IRS2: variants seen among roughly 807,000 people sequenced by gnomAD.
IRS2 encodes insulin receptor substrate 2.
In IRS2, 28 loss-of-function variants were observed where a neutral mutation model predicts 70.9. The observed-to-expected ratio is 0.39, with a 90% CI of 0.29 to 0.54. IRS2 has a LOEUF of 0.54. IRS2 is among the 20% of genes least tolerant of loss of function. IRS2 has a pLI of 0.59. For synonymous variants in IRS2, 1,217 were observed against 981.9 expected, an observed-to-expected ratio of 1.24 and a Z score of -4.48; for missense variants, 2,081 against 2,024.1, an observed-to-expected ratio of 1.03 and a Z score of -0.54.
At position 109,759,847 on chromosome 13, in the gene IRS2, A is replaced by G. The variant is rs114497275; in HGVS notation, c.4013-3539T>C. On this transcript the variant is annotated intron_variant, in intron 1 of 1. Coordinates refer to ENST00000375856, the MANE Select transcript of IRS2 (RefSeq NM_003749.3). ...AAACCACCACGGCAACACGATACCT[A>G]CCACCCACCTGACAGCCACCCACTC... 2.1e-3 allele frequency among the ~76,000 whole-genome samples: 321 copies of G among 152,252 alleles called. 1 individual carries two copies. The highest frequency in any genetic ancestry group is 6.9e-3 in the African/African-American group (285 of 41,552).
Position 109,755,141 on chromosome 13 carries a change from GCTTTT to G in IRS2, c.*1158_*1162del. On this transcript the variant is annotated 3_prime_UTR_variant, in exon 2 of 2. Coordinates refer to ENST00000375856, the MANE Select transcript of IRS2 (RefSeq NM_003749.3). ...GACAAGTAACATGTACTGCGAGATT[GCTTTT>G]CTTCTTTTTCTTTTTCCATCAATAA... 4.3e-6 allele frequency: 1 copy of G among 231,116 alleles called. No individual in the cohort carries two copies. Among genetic ancestry groups the G allele is most frequent in the Non-Finnish European group, 8.5e-6 (1 of 117,396 alleles). The allele number at this position is 231,116 out of a possible 1,614,324, so 14.3% of individuals were successfully genotyped here. A position where few individuals can be genotyped will look rare whatever the true frequency, so the allele number is the denominator to read the frequency against.
chr13:109,774,206 A>G (rs1446150778), intron 1 of IRS2, among the ~76,000 whole-genome samples: 3 of 152,178 alleles, frequency 2.0e-5, no homozygotes, highest in African/African-American at 7.2e-5. Context: ...AGAGGTAATG[A>G]AAGACAGCCA....
In IRS2 at chr13:109,782,029, A is replaced by G; in HGVS notation, c.4012+13T>C. On this transcript the variant is annotated intron_variant, in intron 1 of 1. Coordinates refer to ENST00000375856, the MANE Select transcript of IRS2 (RefSeq NM_003749.3). ...TCCTTCCCGCCAGACGCCAAGGCAA[A>G]GGGCCTCCTCACCTTTCACGATGGT... The G allele has an allele frequency of 1.2e-6, 2 of 1,611,818 alleles. No individual in the cohort carries two copies. Among genetic ancestry groups the G allele is most frequent in the Non-Finnish European group, 1.7e-6 (2 of 1,179,638 alleles).
At chr13:109,762,225 C>T (rs1877242948) in intron 1 of IRS2, among the ~76,000 whole-genome samples, 1 of 152,240 alleles carries the variant, frequency 6.6e-6, no homozygotes, top group Admixed American at 6.5e-5. Context: ...GAATTGCCCA[C>T]TGCCCCTGCA....
rs1236013667 is a variant in IRS2 at position 109,783,068 on chromosome 13, C to T, written c.2986G>A (p.Gly996Ser). Residue 996 changes from glycine to serine, a missense_variant, in exon 1 of 2, where the codon GGC becomes AGC. By Grantham distance (56) the Gly-to-Ser change is moderately conservative. Transcript: ENST00000375856. ...CCGTCCAAGGAGCCCACGGGGTGGC[C>T]GCTCGGGGCGCCCGGCTTAGGAGAC... The part of the protein sequence containing the change: ...PKSPKPGAPS[G>S]HPVGSLDGLL... 6 of 1,378,488 alleles carry T rather than the reference C, an allele frequency of 4.4e-6. No individual in the cohort carries two copies. The highest frequency in any genetic ancestry group is 1.9e-4 in the Middle Eastern group (1 of 5,276). The allele number at this position is 1,378,488 out of a possible 1,614,324, so 85.4% of individuals were successfully genotyped here. A position where few individuals can be genotyped will look rare whatever the true frequency, so the allele number is the denominator to read the frequency against.
rs2138930974 is a variant in IRS2, at chr13:109,782,893, T to G, written c.3161A>C (p.Gln1054Pro). The change falls in exon 1 of 2, where the codon CAG becomes CCG. Residue 1054 changes from glutamine to proline, a missense_variant. Physicochemically the swap from Gln to Pro is moderately conservative, Grantham distance 76 (BLOSUM62 -1). Transcript: ENST00000375856. ...LPPASAVATA[Q>P]GPGAASSLSS... ...CAACGATGAGGCGGCGCCCGGGCCC[T>G]GGGCGGTGGCAACGGCCGAGGCGGG... 2 of 1,555,832 alleles carry G rather than the reference T, an allele frequency of 1.3e-6. No individual in the cohort carries two copies. Among genetic ancestry groups the G allele is most frequent in the Non-Finnish European group, 1.7e-6 (2 of 1,150,534 alleles).
intron 1 of IRS2, among the ~76,000 whole-genome samples, chr13:109,771,033 A>G (rs1217757917): frequency 1.3e-5 from 2 of 152,226 alleles, no homozygotes; most frequent in African/African-American, 4.8e-5. Flanking sequence ...AGGAACACTG[A>G]TAAGCTAAGC....
intron 1 of IRS2, among the ~76,000 whole-genome samples, chr13:109,772,037 C>T (rs1185435060): frequency 6.6e-6 from 1 of 152,236 alleles, no homozygotes; most frequent in Non-Finnish European, 1.5e-5. Context: ...TTTATCCATC[C>T]ATCTGGGTAT....
In IRS2 at chr13:109,784,877, C is replaced by A. The variant is rs905097394; in HGVS notation, c.1177G>T (p.Gly393Trp). The A allele has an allele frequency of 1.8e-6, 2 of 1,113,510 alleles. No individual in the cohort carries two copies. Among genetic ancestry groups the A allele is most frequent in the South Asian group, 4.0e-5 (1 of 25,176 alleles). 69.0% of individuals were successfully genotyped at this position (1,113,510 alleles called of 1,614,324 possible). A position where few individuals can be genotyped will look rare whatever the true frequency, so the allele number is the denominator to read the frequency against. Reference sequence around the variant, plus strand: ...CGGCTCAGGGGCGCGCGCACCGGCCCGGGGCTCAGGGGGCTCCCAGCCACC... The same window carrying A: ...CGGCTCAGGGGCGCGCGCACCGGCCAGGGGCTCAGGGGGCTCCCAGCCACC... Reference protein sequence around the residue: ...VSVAGSPLSPGPVRAPLSRSH... With the variant: ...VSVAGSPLSPWPVRAPLSRSH... Residue 393 changes from glycine (G) to tryptophan (W), a missense_variant, in exon 1 of 2, where the codon GGG (glycine) becomes TGG (tryptophan). Physicochemically the swap from Gly to Trp is radical, Grantham distance 184. This residue lies in a region of IRS2 where 1,615 missense variants were observed against 1,459.5 expected (regional missense o/e 1.11). Transcript: ENST00000375856. The surrounding 1 kb of genome is among the most constrained non-coding windows in gnomAD (Gnocchi z 5.2).
intron 1 of IRS2, among the ~76,000 whole-genome samples, chr13:109,764,249 G>A (rs1327326738): frequency 5.3e-5 from 8 of 152,074 alleles, no homozygotes; most frequent in Non-Finnish European, 5.9e-5. Flanking sequence ...CCATTCCCAC[G>A]ACTCTCAGGA....
intron 1 of IRS2, among the ~76,000 whole-genome samples, chr13:109,760,617 C>A (rs1421209057): frequency 4.6e-5 from 7 of 152,206 alleles, no homozygotes; most frequent in African/African-American, 1.7e-4. Flanking sequence ...ACGTGGGATA[C>A]AGTCCCCTGT....
Position 109,781,236 on chromosome 13 carries a change from G to A in IRS2, c.4012+806C>T, listed in dbSNP as rs532181149. ...CAGGGTCCTCACAGGGTGGTCCCCCGGCCAGCAGCATCGGCATTATGCGGA... is the reference window on the plus strand; with the variant it reads ...CAGGGTCCTCACAGGGTGGTCCCCCAGCCAGCAGCATCGGCATTATGCGGA... On this transcript the variant is annotated intron_variant, in intron 1 of 1. Transcript: ENST00000375856. 1.4e-3 allele frequency among the ~76,000 whole-genome samples: 208 copies of A among 152,210 alleles called. 1 individual carries two copies. The highest frequency in any genetic ancestry group is 3.4e-3 in the Middle Eastern group (1 of 292).
At chr13:109,781,961 T>C in intron 1 of IRS2, 81 bp downstream of exon 1, 1 of 1,497,876 alleles carries the variant, frequency 6.7e-7, no homozygotes, top group Non-Finnish European at 9.1e-7. Flanking sequence ...CCCCAAAAAG[T>C]GGGAGCAGTG....
chr13:109,763,617 G>T (rs531975259), intron 1 of IRS2, among the ~76,000 whole-genome samples: 43 of 152,282 alleles, frequency 2.8e-4, no homozygotes, highest in African/African-American at 1.0e-3. Context: ...TTATGCTTCT[G>T]CCCTAAGAGT....
intron 1 of IRS2, among the ~76,000 whole-genome samples, chr13:109,765,496 A>G (rs1296784677): frequency 4.8e-5 from 5 of 104,832 alleles, no homozygotes; most frequent in African/African-American, 1.5e-4. Context: ...CCTGACTCCA[A>G]CTCCCCACCA....
chr13:109,783,157 C>A lies in IRS2; in HGVS notation c.2897G>T (p.Ser966Ile). The change falls in exon 1 of 2, where the codon AGC becomes ATC. Residue 966 changes from serine (S) to isoleucine (I), a missense_variant. Around this residue, in one of 4 missense-constraint regions of IRS2, gnomAD observed 1,615 missense variants for 1,459.5 expected, o/e 1.11. Transcript: ENST00000375856. ...SSLGSGTPGT[S>I]SDSRQRSPLS... Reference sequence around the variant, plus strand: ...CGGAGACCGCTGCCGGCTGTCGCTGCTGGTGCCCGGGGTGCCTGAGCCCAG... The same window carrying A: ...CGGAGACCGCTGCCGGCTGTCGCTGATGGTGCCCGGGGTGCCTGAGCCCAG... 7.3e-7 allele frequency: 1 copy of A among 1,379,096 alleles called. No homozygotes were observed. Among genetic ancestry groups the A allele is most frequent in the South Asian group, 1.7e-5 (1 of 60,358 alleles). 85.4% of individuals were successfully genotyped at this position (1,379,096 alleles called of 1,614,324 possible). A position where few individuals can be genotyped will look rare whatever the true frequency, so the allele number is the denominator to read the frequency against.
At position 109,785,783 on chromosome 13, in the gene IRS2, G is replaced by T. The variant is rs776493252; in HGVS notation, c.271C>A (p.Arg91=). 1 of 1,587,178 alleles carries T rather than the reference G, an allele frequency of 6.3e-7. No individual in the cohort carries two copies. The highest frequency in any genetic ancestry group is 1.3e-5 in the African/African-American group (1 of 74,658). The change falls in exon 1 of 2, where the codon CGG becomes AGG. Residue 91 remains arginine (R), a synonymous_variant. Transcript: ENST00000375856. This position sits in a 1 kb window ranked among gnomAD's most constrained non-coding sequence, Gnocchi z 9.3. The stretch of plus-strand genomic sequence containing the variant: ...AGGCAGCAGTCGAGAGCGATCACCC[G>T]TTTCGGCGCGCCTGCCTTGCTCCGC... ...KWRSKAGAPK[R]VIALDCCLNI... is the part of the protein sequence containing the mutation.
rs757679921 is a variant in IRS2, at chr13:109,782,529, G to A, written c.3525C>T (p.Ala1175=). 1 of 1,556,982 alleles carries A rather than the reference G, an allele frequency of 6.4e-7. No individual in the cohort carries two copies. The highest frequency in any genetic ancestry group is 8.7e-7 in the Non-Finnish European group (1 of 1,150,746). The stretch of plus-strand genomic sequence containing the variant: ...TCCTGAGAGAGACATTTTCCACGGA[G>A]GCCGAGTTGTGGCGCTTGGGGTTGT... ...FAHNPKRHNS[A]SVENVSLRKS... The change falls in exon 1 of 2, where the codon GCC becomes GCT. Residue 1175 remains alanine, a synonymous_variant. Transcript: ENST00000375856.
At chr13:109,766,885 C>T (rs942687640) in intron 1 of IRS2, among the ~76,000 whole-genome samples, 1 of 152,254 alleles carries the variant, frequency 6.6e-6, no homozygotes, top group Non-Finnish European at 1.5e-5. Context: ...CTGCACATGC[C>T]CTTTCAGCCA....
Sources: allele counts gnomAD v4.1 joint callset (sites outside exome capture counted in the v4.1 genomes callset), GRCh38; gene constraint gnomAD v4.1.1; regional missense constraint gnomAD v4.1.1; non-coding constraint Gnocchi (gnomAD v3.1); transcripts MANE v1.5; gene names NCBI Gene and HGNC (gene_info 2026-07-23, HGNC 2026-07-21).